Variants in UNC13B observed in about 807,000 individuals in gnomAD.
UNC13B encodes the protein protein unc-13 homolog B.
UNC13B carries 144 observed loss-of-function variants against 211.0 expected under a neutral mutation model. The ratio of observed to expected loss-of-function variants is 0.68; its 90% CI spans 0.60 to 0.78. UNC13B has a LOEUF of 0.78. Among genes scored for constraint, UNC13B ranks in the 30% least tolerant of loss-of-function variants. UNC13B has a pLI of 0.00. For missense variants in UNC13B, 1,777 were observed against 2,002.0 expected (o/e 0.89, Z 2.14); for synonymous variants, 709 against 725.8 (o/e 0.98, Z 0.37).
At position 35,303,366 on chromosome 9, in the gene UNC13B, T is replaced by A. The variant is rs150993717; in HGVS notation, c.3962T>A (p.Leu1321Gln). ...CCAAACCATGTTCTTGAGGCAAAAC[T>A]ACATGAAAATTCAAACAAGTTAAAT... ...QMPNHVLEAKLHENSNKLNSP... is the reference protein window; with the variant it reads ...QMPNHVLEAKQHENSNKLNSP... Residue 1321 changes from leucine (L) to glutamine (Q), a missense_variant, in exon 9 of 40, where the codon CTA becomes CAA. Physicochemically the swap from Leu to Gln is moderately radical, Grantham distance 113. Transcript: ENST00000635942. The A allele has an allele frequency of 2.3e-3, 909 of 398,698 alleles. 2 individuals carry two copies. The highest frequency in any genetic ancestry group is 2.1e-3 in the Non-Finnish European group (463 of 225,800). 24.7% of individuals were successfully genotyped at this position (398,698 alleles called of 1,614,324 possible). A position where few individuals can be genotyped will look rare whatever the true frequency, so the allele number is the denominator to read the frequency against.
rs1475347182 is a variant in UNC13B at position 35,331,520 on chromosome 9, T to TA, written c.9414+17532dup. On this transcript the variant is annotated intron_variant, in intron 11 of 39. Coordinates refer to ENST00000635942, the MANE Select transcript of UNC13B (RefSeq NM_001371189.2). The stretch of plus-strand genomic sequence containing the variant: ...CCTTGGCCTCCTAAAGTGCTGGTAT[T>TA]ACAGGCATGTGCCACTGTGCCCAGC... 3.3e-5 allele frequency among the ~76,000 whole-genome samples: 5 copies of TA among 152,320 alleles called. No individual in the cohort carries two copies. In the East Asian group the frequency reaches 9.7e-4, roughly 29 times the overall value.
chr9:35,222,295 A>C (rs1056060739), intron 1 of UNC13B, among the ~76,000 whole-genome samples: 2 of 152,142 alleles, frequency 1.3e-5, no homozygotes, highest in Non-Finnish European at 2.9e-5. Flanking sequence ...TGACCATGGT[A>C]TATCTCTTCA....
chr9:35,211,569 T>C (rs987917215), intron 1 of UNC13B, among the ~76,000 whole-genome samples: 2 of 152,236 alleles, frequency 1.3e-5, no homozygotes, highest in African/African-American at 4.8e-5. Context: ...AGTATCTTTA[T>C]TTTTGCAAAT....
intron 11 of UNC13B, chr9:35,353,806 C>T (rs1165901228): frequency 3.2e-6 from 4 of 1,231,468 alleles, no homozygotes; most frequent in Non-Finnish European, 4.1e-6. Flanking sequence ...AAGACATACA[C>T]TCAGGTATTC....
chr9:35,370,920 G>C (rs1834074185), intron 13 of UNC13B, among the ~76,000 whole-genome samples: 1 of 152,206 alleles, frequency 6.6e-6, no homozygotes, highest in Admixed American at 6.5e-5. Context: ...AGGCTTAAGA[G>C]TTAAAGCTGA....
intron 6 of UNC13B, among the ~76,000 whole-genome samples, chr9:35,258,341 A>G (rs1827056140): frequency 6.6e-6 from 1 of 152,174 alleles, no homozygotes; most frequent in Non-Finnish European, 1.5e-5. Flanking sequence ...TTTGCCTTCT[A>G]AATCGGGCCC....
intron 13 of UNC13B, among the ~76,000 whole-genome samples, chr9:35,371,372 C>T (rs532445281): frequency 1.4e-4 from 20 of 142,988 alleles, no homozygotes; most frequent in African/African-American, 4.1e-4. Context: ...TTTATAGAGA[C>T]GGAGTCCCTG....
intron 6 of UNC13B, among the ~76,000 whole-genome samples, chr9:35,255,532 A>T (rs1170147842): frequency 3.9e-5 from 6 of 152,062 alleles, no homozygotes; most frequent in Admixed American, 2.0e-4. Flanking sequence ...GTTTTTAAAG[A>T]TAATTTGACA....
At position 35,400,384 on chromosome 9, in the gene UNC13B, T is replaced by C; in HGVS notation, c.12425T>C (p.Leu4142Pro). 1 of 1,614,190 alleles carries C rather than the reference T, an allele frequency of 6.2e-7. No individual in the cohort carries two copies. Among genetic ancestry groups the C allele is most frequent in the Non-Finnish European group, 8.5e-7 (1 of 1,180,014 alleles). Residue 4142 changes from leucine to proline, a missense_variant, in exon 37 of 40, where the codon CTG (leucine) becomes CCG (proline). Coordinates refer to ENST00000635942, the MANE Select transcript of UNC13B (RefSeq NM_001371189.2). ...DLQSLRYALS[L>P]YTQTTDTLIK... The stretch of plus-strand genomic sequence containing the variant: ...CAGTCTCTACGCTATGCCCTGTCTC[T>C]GTACACACAGACTACTGACACTCTC...
intron 11 of UNC13B, 23 bp downstream of exon 11, chr9:35,314,012 G>C: frequency 1.3e-6 from 2 of 1,591,222 alleles, no homozygotes; most frequent in Non-Finnish European, 1.7e-6. Flanking sequence ...TTCTAGTACT[G>C]GTTGGGACAA....
chr9:35,178,552 C>G (rs1821763869), intron 1 of UNC13B, among the ~76,000 whole-genome samples: 1 of 151,628 alleles, frequency 6.6e-6, no homozygotes, highest in Non-Finnish European at 1.5e-5. Flanking sequence ...ATTGATTGCT[C>G]TATGACATGT....
At chr9:35,224,423 T>C (rs1333706423) in intron 1 of UNC13B, among the ~76,000 whole-genome samples, 1 of 152,216 alleles carries the variant, frequency 6.6e-6, no homozygotes, top group African/African-American at 2.4e-5. Flanking sequence ...TGTGATTACT[T>C]TTTAAATTTC....
At chr9:35,290,973 G>C (rs971533778) in intron 7 of UNC13B, 2 of 1,239,342 alleles carry the variant, frequency 1.6e-6, no homozygotes, top group Non-Finnish European at 2.3e-6. Context: ...AGTAAGGTAA[G>C]GCACATAATA....
At chr9:35,268,006 C>G (rs1003925151) in intron 7 of UNC13B, among the ~76,000 whole-genome samples, 2 of 152,126 alleles carry the variant, frequency 1.3e-5, no homozygotes, top group African/African-American at 4.8e-5. Flanking sequence ...TTCTCTGTCT[C>G]CCAGCTCTGC....
In UNC13B at chr9:35,399,673, C is replaced by T. The variant is rs753629976; in HGVS notation, c.12280C>T (p.Arg4094Trp). The T allele has an allele frequency of 2.3e-5, 37 of 1,614,026 alleles. No homozygotes were observed. The highest frequency in any genetic ancestry group is 1.6e-4 in the Middle Eastern group (1 of 6,084). Residue 4094 changes from arginine (R) to tryptophan (W), a missense_variant, in exon 36 of 40, where the codon CGG becomes TGG. Physicochemically the swap from Arg to Trp is moderately radical, Grantham distance 101. Coordinates refer to ENST00000635942, the MANE Select transcript of UNC13B (RefSeq NM_001371189.2). ...LKDHMVREETRNLTPKQCAVL... is the reference protein window; with the variant it reads ...LKDHMVREETWNLTPKQCAVL... The stretch of plus-strand genomic sequence containing the variant: ...GGATCACATGGTACGAGAGGAAACA[C>T]GGAATCTCACTCCAAAGCAGTGTGC...
At chr9:35,393,055 T>C (rs1835640270) in intron 26 of UNC13B, among the ~76,000 whole-genome samples, 1 of 152,196 alleles carries the variant, frequency 6.6e-6, no homozygotes, top group Non-Finnish European at 1.5e-5. Flanking sequence ...ACCAAATGTT[T>C]ATTGAATATT....
rs1434609204 is a variant in UNC13B, at chr9:35,162,086, C to T, written c.-198C>T. ...CCCCAGCCTGCCGGCCGGTACTCAC[C>T]GCTACCCGGAGTTCGCTCAGACGGT... On this transcript the variant is annotated 5_prime_UTR_variant, in exon 1 of 40. Transcript: ENST00000635942. The T allele has an allele frequency of 6.4e-6, 5 of 782,010 alleles. No homozygotes were observed. The highest frequency in any genetic ancestry group is 2.9e-5 in the East Asian group (1 of 34,126). The allele number at this position is 782,010 out of a possible 1,614,324, so 48.4% of individuals were successfully genotyped here. A position where few individuals can be genotyped will look rare whatever the true frequency, so the allele number is the denominator to read the frequency against.
At position 35,162,184 on chromosome 9, in the gene UNC13B, G is replaced by C. The variant is rs1173356822; in HGVS notation, c.-100G>C. The stretch of plus-strand genomic sequence containing the variant: ...GGGACCATGAGGAGCTGCCAGACCC[G>C]TGGGGCCGGTAACGAGAGCAGTCGC... On this transcript the variant is annotated 5_prime_UTR_variant, in exon 1 of 40. Coordinates refer to ENST00000635942, the MANE Select transcript of UNC13B (RefSeq NM_001371189.2). The C allele has an allele frequency of 6.6e-7, 1 of 1,517,514 alleles. No individual in the cohort carries two copies. The highest frequency in any genetic ancestry group is 1.4e-5 in the African/African-American group (1 of 72,476). The allele number at this position is 1,517,514 out of a possible 1,614,324, so 94.0% of individuals were successfully genotyped here.
intron 6 of UNC13B, among the ~76,000 whole-genome samples, chr9:35,249,537 G>T (rs906391195): frequency 9.9e-5 from 15 of 152,234 alleles, no homozygotes; most frequent in African/African-American, 2.6e-4. Flanking sequence ...AGGAGCTCTT[G>T]TAGGGCATGC....
Sources: allele counts gnomAD v4.1 joint callset (sites outside exome capture counted in the v4.1 genomes callset), GRCh38; gene constraint gnomAD v4.1.1; transcripts MANE v1.5; gene names NCBI Gene and HGNC (gene_info 2026-07-23, HGNC 2026-07-21).